KCNQ1OT1: variants seen among roughly 807,000 people sequenced by gnomAD.
KCNQ1OT1 encodes KCNQ1 antisense RNA 2 (non-protein coding).
rs1327863709 is a variant in KCNQ1OT1, at chr11:2,664,375, G to A, written n.35620C>T. 16 of 398,730 alleles carry A rather than the reference G, an allele frequency of 4.0e-5. No homozygotes were observed. The highest frequency in any genetic ancestry group is 6.2e-5 in the Non-Finnish European group (14 of 226,248). 24.7% of individuals were successfully genotyped at this position (398,730 alleles called of 1,614,324 possible). ...CCTGCATCCTCAGAAGTCAGGGTACGGTCCCTCCAGAGAGGCCTGAAGGGG... is the reference window on the plus strand; with the variant it reads ...CCTGCATCCTCAGAAGTCAGGGTACAGTCCCTCCAGAGAGGCCTGAAGGGG... On this transcript the variant is annotated non_coding_transcript_exon_variant, in exon 1 of 1. Transcript: ENST00000597346. The surrounding 1 kb of genome is among the most constrained non-coding windows in gnomAD (Gnocchi z 5.1).
exon 1 of KCNQ1OT1, chr11:2,610,104 T>C: frequency 5.0e-6 from 2 of 396,632 alleles, no homozygotes; most frequent in Non-Finnish European, 4.4e-6. Context: ...CCTTTGCTGC[T>C]TTCTTTTCCA....
chr11:2,644,017 T>A (rs1240193642), exon 1 of KCNQ1OT1: 3 of 398,464 alleles, frequency 7.5e-6, no homozygotes, highest in African/African-American at 4.1e-5. Context: ...CTTTTATCGC[T>A]GGTTTTATGA....
chr11:2,610,165 A>G (rs1848955482), exon 1 of KCNQ1OT1: 4 of 397,408 alleles, frequency 1.0e-5, no homozygotes, highest in African/African-American at 2.1e-5. Flanking sequence ...TGATTCTTCA[A>G]TATTCTATTT....
exon 1 of KCNQ1OT1, chr11:2,614,845 T>A (rs1849035934): frequency 1.0e-5 from 4 of 398,406 alleles, no homozygotes; most frequent in Non-Finnish European, 1.8e-5. Flanking sequence ...AACTTTGTTC[T>A]TTTTCAATAT....
chr11:2,678,584 T>C lies in KCNQ1OT1; in HGVS notation n.21411A>G. On this transcript the variant is annotated non_coding_transcript_exon_variant, in exon 1 of 1. Coordinates refer to ENST00000597346, the Ensembl canonical transcript of KCNQ1OT1. This position sits in a 1 kb window ranked among gnomAD's most constrained non-coding sequence, Gnocchi z 4.9. ...TAATTATGTAACTTTATGATGCACTTATCTGTGTAGCAGGACTCCCCCTCA... is the reference window on the plus strand; with the variant it reads ...TAATTATGTAACTTTATGATGCACTCATCTGTGTAGCAGGACTCCCCCTCA... 1 of 398,642 alleles carries C rather than the reference T, an allele frequency of 2.5e-6. No homozygotes were observed. Among genetic ancestry groups the C allele is most frequent in the Non-Finnish European group, 4.4e-6 (1 of 226,054 alleles). The allele number at this position is 398,642 out of a possible 1,614,324, so 24.7% of individuals were successfully genotyped here.
Position 2,678,780 on chromosome 11 carries a change from G to A in KCNQ1OT1, n.21215C>T, listed in dbSNP as rs1850337379. On this transcript the variant is annotated non_coding_transcript_exon_variant, in exon 1 of 1. Transcript: ENST00000597346. This position sits in a 1 kb window ranked among gnomAD's most constrained non-coding sequence, Gnocchi z 4.9. ...TTGGGACTGAGGCTTCATCGTGGCA[G>A]CTAATAATGTCAGGGAGCATGAGCA... is the stretch of plus-strand genomic sequence containing the variant. The A allele has an allele frequency of 2.5e-6, 1 of 398,622 alleles. No individual in the cohort carries two copies. Among genetic ancestry groups the A allele is most frequent in the East Asian group, 3.6e-5 (1 of 28,076 alleles). The allele number at this position is 398,622 out of a possible 1,614,324, so 24.7% of individuals were successfully genotyped here.
exon 1 of KCNQ1OT1, chr11:2,665,784 C>T (rs927518323): frequency 1.0e-5 from 4 of 398,582 alleles, no homozygotes; most frequent in Non-Finnish European, 1.8e-5. Flanking sequence ...CTCACTCAAC[C>T]CTGCCTAAGA....
chr11:2,625,578 C>CT (rs35148119), exon 1 of KCNQ1OT1: 359 of 346,974 alleles, frequency 1.0e-3, no homozygotes, highest in South Asian at 5.6e-3. Context: ...GTCCTTTGCC[C>CT]TTTTTTTTTT....
rs1161987233 is a variant in KCNQ1OT1, at chr11:2,647,237, A to AT, written n.52757dup. 6 of 397,846 alleles carry AT rather than the reference A, an allele frequency of 1.5e-5. No individual in the cohort carries two copies. The highest frequency in any genetic ancestry group is 2.2e-5 in the Non-Finnish European group (5 of 225,912). The allele number at this position is 397,846 out of a possible 1,614,324, so 24.6% of individuals were successfully genotyped here. On this transcript the variant is annotated non_coding_transcript_exon_variant, in exon 1 of 1. Coordinates refer to ENST00000597346, the Ensembl canonical transcript of KCNQ1OT1. This position sits in a 1 kb window ranked among gnomAD's most constrained non-coding sequence, Gnocchi z 4.0. The stretch of plus-strand genomic sequence containing the variant: ...TCTGCATCTATTGAGATGATCATGT[A>AT]TTTTTTTGTCCTTCCTTCTGTTAAT...
At chr11:2,667,441 T>C (rs1421315377) in exon 1 of KCNQ1OT1, 1 of 398,588 alleles carries the variant, frequency 2.5e-6, no homozygotes, top group African/African-American at 2.1e-5. Flanking sequence ...ATGATGCTGC[T>C]CAGGTCCTCA....
At chr11:2,632,794 A>G (rs1849382533) in exon 1 of KCNQ1OT1, 1 of 398,456 alleles carries the variant, frequency 2.5e-6, no homozygotes, top group East Asian at 3.6e-5. Context: ...TTGTGTATAC[A>G]TACCACATTC....
At position 2,657,349 on chromosome 11, in the gene KCNQ1OT1, C is replaced by T. The variant is rs1474523366; in HGVS notation, n.42646G>A. On this transcript the variant is annotated non_coding_transcript_exon_variant, in exon 1 of 1. Coordinates refer to ENST00000597346, the Ensembl canonical transcript of KCNQ1OT1. The surrounding 1 kb of genome is among the most constrained non-coding windows in gnomAD (Gnocchi z 4.8). ...AGTCTTCTAGTCATTGGAATGAAGGCATATTTCTCCATTTATATCTTCTTC... is the reference window on the plus strand; with the variant it reads ...AGTCTTCTAGTCATTGGAATGAAGGTATATTTCTCCATTTATATCTTCTTC... 1 of 398,394 alleles carries T rather than the reference C, an allele frequency of 2.5e-6. No individual in the cohort carries two copies. Among genetic ancestry groups the T allele is most frequent in the Non-Finnish European group, 4.4e-6 (1 of 226,040 alleles). The allele number at this position is 398,394 out of a possible 1,614,324, so 24.7% of individuals were successfully genotyped here. A position where few individuals can be genotyped will look rare whatever the true frequency, so the allele number is the denominator to read the frequency against.
exon 1 of KCNQ1OT1, chr11:2,689,317 A>G (rs1185816599): frequency 2.5e-6 from 1 of 398,546 alleles, no homozygotes; most frequent in African/African-American, 2.1e-5. Context: ...ATGCCACCTC[A>G]GGACTGCCCC....
chr11:2,641,426 G>T (rs931052069), exon 1 of KCNQ1OT1: 9 of 397,412 alleles, frequency 2.3e-5, no homozygotes, highest in Non-Finnish European at 4.0e-5. Context: ...TTGGCTACTT[G>T]TATGTTTTCT....
Position 2,627,076 on chromosome 11 carries a change from T to C in KCNQ1OT1, n.72919A>G, listed in dbSNP as rs1292995780. On this transcript the variant is annotated non_coding_transcript_exon_variant, in exon 1 of 1. Transcript: ENST00000597346. This position sits in a 1 kb window ranked among gnomAD's most constrained non-coding sequence, Gnocchi z 4.9. ...GAACATAGGAGGTGTTTTCCCTTTA[T>C]GTCTACTTTAATTTCTTTCAGCATT... 5.0e-6 allele frequency: 2 copies of C among 398,492 alleles called. No homozygotes were observed. The highest frequency in any genetic ancestry group is 8.8e-6 in the Non-Finnish European group (2 of 226,070). The allele number at this position is 398,492 out of a possible 1,614,324, so 24.7% of individuals were successfully genotyped here. A position where few individuals can be genotyped will look rare whatever the true frequency, so the allele number is the denominator to read the frequency against.
chr11:2,699,317 A>C (rs1824153129), exon 1 of KCNQ1OT1: 2 of 398,992 alleles, frequency 5.0e-6, no homozygotes, highest in Non-Finnish European at 8.8e-6. Flanking sequence ...GCCGCGGGGC[A>C]CACAGCTCAC....
exon 1 of KCNQ1OT1, chr11:2,692,361 A>G: frequency 2.5e-6 from 1 of 398,910 alleles, no homozygotes; most frequent in Non-Finnish European, 4.4e-6. Flanking sequence ...GGCATCTCCT[A>G]ACTGGCATTC....
rs371526023 is a variant in KCNQ1OT1 at position 2,651,116 on chromosome 11, T to C, written n.48879A>G. The C allele has an allele frequency of 2.5e-6, 1 of 398,714 alleles. No individual in the cohort carries two copies. The highest frequency in any genetic ancestry group is 3.6e-5 in the East Asian group (1 of 28,078). The allele number at this position is 398,714 out of a possible 1,614,324, so 24.7% of individuals were successfully genotyped here. ...TTCCACTCTTGCTTCCTGTACTCCA[T>C]TCTTCACATAACAGCTCAAGGGAGT... On this transcript the variant is annotated non_coding_transcript_exon_variant, in exon 1 of 1. Coordinates refer to ENST00000597346, the Ensembl canonical transcript of KCNQ1OT1. This position sits in a 1 kb window ranked among gnomAD's most constrained non-coding sequence, Gnocchi z 6.1.
chr11:2,670,960 G>A lies in KCNQ1OT1; in HGVS notation n.29035C>T, dbSNP rs1205624193. The A allele has an allele frequency of 7.5e-6, 3 of 398,488 alleles. No individual in the cohort carries two copies. The highest frequency in any genetic ancestry group is 1.3e-5 in the Non-Finnish European group (3 of 226,082). 24.7% of individuals were successfully genotyped at this position (398,488 alleles called of 1,614,324 possible). Reference sequence around the variant, plus strand: ...GCCCAGCTTCATGCCTTCTTATGGTGCCCCAGAGCCCCTGGCTAGGCATTC... The same window carrying A: ...GCCCAGCTTCATGCCTTCTTATGGTACCCCAGAGCCCCTGGCTAGGCATTC... On this transcript the variant is annotated non_coding_transcript_exon_variant, in exon 1 of 1. Transcript: ENST00000597346. The surrounding 1 kb of genome is among the most constrained non-coding windows in gnomAD (Gnocchi z 4.9).
Sources: allele counts gnomAD v4.1 joint callset, GRCh38; gene constraint gnomAD v4.1.1; non-coding constraint Gnocchi (gnomAD v3.1); transcripts MANE v1.5; gene names NCBI Gene and HGNC (gene_info 2026-07-23, HGNC 2026-07-21).